The following SETD4 variants were observed in gnomAD, a reference collection of about 807,000 sequenced individuals.
SETD4 encodes the protein SET domain-containing protein 4.
SETD4 carries 46 observed loss-of-function variants against 58.3 expected under a neutral mutation model. The ratio of observed to expected loss-of-function variants is 0.79; its 90% confidence interval spans 0.62 to 1.01. The LOEUF (loss-of-function observed/expected upper bound fraction) is 1.01, where lower values mean the gene tolerates loss of function less well. SETD4 is among the 50% of genes least tolerant of loss of function. The pLI is 0.00. For missense variants in SETD4, 490 were observed against 523.3 expected (o/e 0.94, Z 0.62); for synonymous variants, 190 against 202.6 (o/e 0.94, Z 0.53).
chr21:36,043,587 T>C, intron 7 of SETD4, 195 bp downstream of exon 7: 1 of 1,402,040 alleles, frequency 7.1e-7, no homozygotes. Context: ...AAAATATCAG[T>C]CAAAACTTCG....
In SETD4 at chr21:36,036,244, T is replaced by C; in HGVS notation, c.1196A>G (p.His399Arg). ...ETNAVLQKVS[H>R]MKDEKEALIN... The stretch of plus-strand genomic sequence containing the variant: ...CAGGGCCTCTTTTTCATCCTTCATA[T>C]GAGACACCTGAAAGTTATTTTTTAA... Residue 399 changes from histidine (H) to arginine (R), a missense_variant, in exon 11 of 12, where the codon CAT becomes CGT. His to Arg is a conservative substitution (Grantham distance 29). Coordinates refer to ENST00000332131, the MANE Select transcript of SETD4 (RefSeq NM_017438.5). 3 of 1,592,326 alleles carry C rather than the reference T, an allele frequency of 1.9e-6. No individual in the cohort carries two copies. Among genetic ancestry groups the C allele is most frequent in the Non-Finnish European group, 2.6e-6 (3 of 1,173,628 alleles).
At chr21:36,046,663 T>C (rs553295638) in intron 5 of SETD4, among the ~76,000 whole-genome samples, 1 of 152,354 alleles carries the variant, frequency 6.6e-6, no homozygotes, top group South Asian at 2.1e-4. Context: ...GTTGTTGCAG[T>C]TCTAAAGCTT....
chr21:36,058,772 A>T (rs1196940860), intron 2 of SETD4, 44 bp downstream of exon 2: 2 of 1,551,502 alleles, frequency 1.3e-6, no homozygotes, highest in Non-Finnish European at 1.7e-6. Flanking sequence ...GCAATCACAA[A>T]AGGATTTCTT....
In SETD4 at chr21:36,036,164, T is replaced by C. The variant is rs1367312066; in HGVS notation, c.1276A>G (p.Arg426Gly). 12 of 1,613,982 alleles carry C rather than the reference T, an allele frequency of 7.4e-6. No individual in the cohort carries two copies. The highest frequency in any genetic ancestry group is 9.3e-6 in the Non-Finnish European group (11 of 1,179,956). ...CTGTGCAGGGTCTCGGCAGATGCCC[T>C]GAGAATCTTTAGCTCTTCCGTCCAC... ...SLWTEELKIL[R>G]ASAETLHSLQ... The change falls in exon 11 of 12, where the codon AGG becomes GGG. Residue 426 changes from arginine to glycine, a missense_variant. By Grantham distance (125) the Arg-to-Gly change is moderately radical (BLOSUM62 -2). Transcript: ENST00000332131.
rs148590668 is a variant in SETD4, at chr21:36,043,910, G to A, written c.773C>T (p.Thr258Met). The change falls in exon 7 of 12, where the codon ACG (threonine) becomes ATG (methionine). Residue 258 changes from threonine to methionine, a missense_variant. Coordinates refer to ENST00000332131, the MANE Select transcript of SETD4 (RefSeq NM_017438.5). The part of the protein sequence containing the change: ...NEETHSYEIR[T>M]TSRWRKHEEV... ...TTCATGCTTTCTCCAACGTGAAGTC[G>A]TTCTAATTTCGTAAGAATGAGTTTC... 2.4e-5 allele frequency: 38 copies of A among 1,614,020 alleles called. No individual in the cohort carries two copies. Among genetic ancestry groups the A allele is most frequent in the East Asian group, 1.3e-4 (6 of 44,888 alleles).
At chr21:36,048,007 CAAGAGAGAGAGA>C (rs1281914785) in intron 5 of SETD4, among the ~76,000 whole-genome samples, 1 of 127,594 alleles carries the variant, frequency 7.8e-6, no homozygotes, top group South Asian at 2.5e-4. Context: ...CCATCTCAAG[CAAGAGAGAGAGA>C]AAGAGAGAGA....
intron 7 of SETD4, chr21:36,043,394 GTC>G: frequency 1.1e-6 from 1 of 878,826 alleles, no homozygotes; most frequent in Non-Finnish European, 1.4e-6. Flanking sequence ...TTAACACAGT[GTC>G]TTACCCACAG....
intron 2 of SETD4, among the ~76,000 whole-genome samples, chr21:36,058,348 A>T (rs1035280001): frequency 6.6e-6 from 1 of 152,060 alleles, no homozygotes; most frequent in East Asian, 1.9e-4. Flanking sequence ...AATTTAAAAA[A>T]ACATTAGCCG....
chr21:36,050,397 C>A lies in SETD4; in HGVS notation c.208-2001G>T, dbSNP rs552924600. Reference sequence around the variant, plus strand: ...AATGGAGAAAGGAAACTTGGGTCTGCGGATCAATGGAGAGCTAATCACTGC... The same window carrying A: ...AATGGAGAAAGGAAACTTGGGTCTGAGGATCAATGGAGAGCTAATCACTGC... On this transcript the variant is annotated intron_variant, in intron 4 of 11. Coordinates refer to ENST00000332131, the MANE Select transcript of SETD4 (RefSeq NM_017438.5). 9 of 1,614,012 alleles carry A rather than the reference C, an allele frequency of 5.6e-6. No homozygotes were observed. In the South Asian group the frequency reaches 7.7e-5, roughly 14 times the overall value.
At chr21:36,047,433 T>C (rs1172515695) in intron 5 of SETD4, among the ~76,000 whole-genome samples, 1 of 152,144 alleles carries the variant, frequency 6.6e-6, no homozygotes, top group Non-Finnish European at 1.5e-5. Context: ...ATAAAACTAA[T>C]TCTTTCACAA....
At chr21:36,049,176 T>G (rs933391783) in intron 4 of SETD4, among the ~76,000 whole-genome samples, 2 of 152,074 alleles carry the variant, frequency 1.3e-5, no homozygotes, top group Non-Finnish European at 2.9e-5. Context: ...TGTAAAGTAA[T>G]AGAAAACAGT....
intron 5 of SETD4, 144 bp downstream of exon 5, chr21:36,048,164 G>A (rs2064446129): frequency 4.1e-6 from 3 of 731,562 alleles, no homozygotes; most frequent in Non-Finnish European, 7.0e-6. Context: ...CTAGAATGGA[G>A]TAAACTTTTC....
chr21:36,037,964 C>T (rs2063862795), intron 10 of SETD4, among the ~76,000 whole-genome samples, 186 bp downstream of exon 10: 5 of 152,102 alleles, frequency 3.3e-5, no homozygotes, highest in Admixed American at 3.3e-4. Context: ...CCATTGCACT[C>T]CAGCCTGGGC....
At chr21:36,052,557 CA>C (rs35631970) in intron 4 of SETD4, among the ~76,000 whole-genome samples, 1,004 of 50,346 alleles carry the variant, frequency 0.02, 1 homozygote, top group African/African-American at 0.021. Flanking sequence ...GACTCTGTCT[CA>C]AAAAAAAAAA....
In SETD4 at chr21:36,042,019, A is replaced by C. The variant is rs1601211390; in HGVS notation, c.902-131T>G. On this transcript the variant is annotated intron_variant, in intron 7 of 11. Coordinates refer to ENST00000332131, the MANE Select transcript of SETD4 (RefSeq NM_017438.5). ...GCATAAACAGTTCCACCTAATTCAC[A>C]CAAAGGAAATCTACTCTTCAAGTCC... 7.4e-5 allele frequency: 40 copies of C among 539,216 alleles called. No individual in the cohort carries two copies. In the East Asian group the frequency reaches 1.3e-3, roughly 17 times the overall value. 33.4% of individuals were successfully genotyped at this position (539,216 alleles called of 1,614,324 possible). A position where few individuals can be genotyped will look rare whatever the true frequency, so the allele number is the denominator to read the frequency against.
Position 36,057,138 on chromosome 21 carries a change from T to C in SETD4, c.140A>G (p.Asp47Gly), listed in dbSNP as rs185412933. 8.9e-5 allele frequency: 143 copies of C among 1,614,218 alleles called. 3 individuals are homozygous for C. The Admixed American group carries it at 1.1e-3, about 13-fold the overall frequency. ...AAAACAAGCAGGCGCTAAGTTTGAA[T>C]CTTGAAACTTCCTAGCTTTCAGCCA... ...RKWLKARKFQ[D>G]SNLAPACFPG... Residue 47 changes from aspartate (D) to glycine (G), a missense_variant, in exon 3 of 12, where the codon GAT becomes GGT. Coordinates refer to ENST00000332131, the MANE Select transcript of SETD4 (RefSeq NM_017438.5).
chr21:36,059,983 G>A, intron 1 of SETD4: 1 of 985,674 alleles, frequency 1.0e-6, no homozygotes, highest in Non-Finnish European at 1.2e-6. Flanking sequence ...GTGAAGCCCG[G>A]TGACCGCCAC....
Position 36,050,277 on chromosome 21 carries a change from T to A in SETD4, c.208-1881A>T, listed in dbSNP as rs1472543105. On this transcript the variant is annotated intron_variant, in intron 4 of 11. Coordinates refer to ENST00000332131, the MANE Select transcript of SETD4 (RefSeq NM_017438.5). The stretch of plus-strand genomic sequence containing the variant: ...GATAGATTGTCCCATCAGGGAAGAC[T>A]ATCCTCAAACAGAGATTTTACGAGC... 3.2e-6 allele frequency: 5 copies of A among 1,580,576 alleles called. No homozygotes were observed. In the Admixed American group the frequency reaches 5.0e-5, roughly 16 times the overall value.
At chr21:36,044,388 A>G (rs1025481802) in intron 6 of SETD4, among the ~76,000 whole-genome samples, 1 of 152,236 alleles carries the variant, frequency 6.6e-6, no homozygotes, top group African/African-American at 2.4e-5. Context: ...AACCATTCTT[A>G]GCTCAGGGCT....
Sources: gnomAD v4.1 joint callset for allele counts (sites outside exome capture counted in the v4.1 genomes callset) on GRCh38, gnomAD v4.1.1 for gene constraint, MANE v1.5 for transcripts, NCBI Gene and HGNC (gene_info 2026-07-23, HGNC 2026-07-21) for gene names.